NDST3: variants seen among roughly 807,000 people sequenced by gnomAD.
NDST3 encodes the protein N-deacetylase and N-sulfotransferase 3, also known as bifunctional heparan sulfate N-deacetylase/N-sulfotransferase 3.
Under a neutral mutation model 96.1 loss-of-function variants are expected in NDST3, and 58 were observed. The ratio of observed to expected loss-of-function variants is 0.60; its 90% confidence interval spans 0.49 to 0.75. The LOEUF (loss-of-function observed/expected upper bound fraction) is 0.75, where lower values mean the gene tolerates loss of function less well. NDST3 is among the 30% of genes least tolerant of loss of function. The pLI, the probability that NDST3 is intolerant of heterozygous loss-of-function variation, is 0.00. For missense variants in NDST3, 788 were observed against 1,034.2 expected (o/e 0.76, Z 3.27); for synonymous variants, 333 against 359.7 (o/e 0.93, Z 0.84).
In NDST3 at chr4:118,218,577, G is replaced by C. The variant is rs555695178; in HGVS notation, c.1540-5914G>C. On this transcript the variant is annotated intron_variant, in intron 6 of 13. Coordinates refer to ENST00000296499, the MANE Select transcript of NDST3 (RefSeq NM_004784.3). ...GAGAGCTATTTATGACAAACCCACA[G>C]CCAATATCATACTGAATGGGCAAAA... 2.0e-5 allele frequency among the ~76,000 whole-genome samples: 3 copies of C among 152,192 alleles called. No homozygotes were observed. In the South Asian group the frequency reaches 6.2e-4, roughly 32 times the overall value.
intron 1 of NDST3, among the ~76,000 whole-genome samples, chr4:118,046,833 G>A (rs890262579): frequency 1.3e-5 from 2 of 152,098 alleles, no homozygotes; most frequent in Admixed American, 6.5e-5. Context: ...GGAGTGGGAG[G>A]GGGCATGCCT....
rs376841165 is a variant in NDST3 at position 118,117,215 on chromosome 4, A to G, written c.1224+2255A>G. ...GATATGAAAAAAGACTGAATCCAGA[A>G]CCAGTCCCTCCCCAGCCATAACAAT... On this transcript the variant is annotated intron_variant, in intron 4 of 13. Coordinates refer to ENST00000296499, the MANE Select transcript of NDST3 (RefSeq NM_004784.3). 2.6e-5 allele frequency among the ~76,000 whole-genome samples: 4 copies of G among 152,306 alleles called. No individual in the cohort carries two copies. In the East Asian group the frequency reaches 7.7e-4, roughly 29 times the overall value.
chr4:118,148,689 G>GA (rs550351512), intron 6 of NDST3, among the ~76,000 whole-genome samples: 6 of 151,562 alleles, frequency 4.0e-5, no homozygotes, highest in East Asian at 3.9e-4. Context: ...CATTGAAATT[G>GA]AAAAAAAATA....
Position 118,111,186 on chromosome 4 carries a change from T to A in NDST3, c.1070-3620T>A, listed in dbSNP as rs1219920712. Among the ~76,000 whole-genome samples, 4 of 152,092 alleles carry A rather than the reference T, an allele frequency of 2.6e-5. No homozygotes were observed. The East Asian group carries it at 7.8e-4, about 29-fold the overall frequency. ...AATGGCAGAGAGGGCAGGAGAAGAG[T>A]AAAGGTTGAAAAACTACCTGTTGTG... is the stretch of plus-strand genomic sequence containing the variant. On this transcript the variant is annotated intron_variant, in intron 3 of 13. Transcript: ENST00000296499.
chr4:118,151,834 A>AT (rs1734418663), intron 6 of NDST3, among the ~76,000 whole-genome samples: 1 of 152,150 alleles, frequency 6.6e-6, no homozygotes. Context: ...AACTTAGTGT[A>AT]GGGGTCACCT....
At chr4:118,149,968 G>A (rs1287407395) in intron 6 of NDST3, among the ~76,000 whole-genome samples, 4 of 147,812 alleles carry the variant, frequency 2.7e-5, no homozygotes, top group Admixed American at 2.0e-4. Flanking sequence ...AGCATGAAGG[G>A]TTGTTGAATT....
At chr4:118,073,201 C>T (rs769368383) in intron 2 of NDST3, among the ~76,000 whole-genome samples, 4 of 151,900 alleles carry the variant, frequency 2.6e-5, no homozygotes, top group Non-Finnish European at 5.9e-5. Flanking sequence ...TTTACTGTAT[C>T]TCTGCCAGGT....
At chr4:118,172,040 A>T (rs954796814) in intron 6 of NDST3, among the ~76,000 whole-genome samples, 1 of 152,212 alleles carries the variant, frequency 6.6e-6, no homozygotes, top group Non-Finnish European at 1.5e-5. Flanking sequence ...CTCTTATGAG[A>T]AATTGGTTAT....
intron 2 of NDST3, among the ~76,000 whole-genome samples, chr4:118,100,217 G>C (rs1729654208): frequency 6.6e-6 from 1 of 152,004 alleles, no homozygotes; most frequent in South Asian, 2.1e-4. Context: ...AGAGGTGGAG[G>C]AAGGGCAAAT....
At chr4:118,195,786 T>C (rs1390368089) in intron 6 of NDST3, among the ~76,000 whole-genome samples, 1 of 152,230 alleles carries the variant, frequency 6.6e-6, no homozygotes, top group African/African-American at 2.4e-5. Context: ...TAAGATACCA[T>C]CTGCAAACAA....
At chr4:118,184,602 T>TATACAC (rs1736813896) in intron 6 of NDST3, among the ~76,000 whole-genome samples, 1 of 138,490 alleles carries the variant, frequency 7.2e-6, no homozygotes. Flanking sequence ...TCTCTCTCTC[T>TATACAC]ACACACACAC....
chr4:118,160,210 G>C (rs1205925994), intron 6 of NDST3, among the ~76,000 whole-genome samples: 1 of 152,144 alleles, frequency 6.6e-6, no homozygotes, highest in Non-Finnish European at 1.5e-5. Flanking sequence ...ACTATGAGGA[G>C]ATATCTAGCA....
At chr4:118,083,370 A>G (rs918262696) in intron 2 of NDST3, among the ~76,000 whole-genome samples, 1 of 152,212 alleles carries the variant, frequency 6.6e-6, no homozygotes, top group Non-Finnish European at 1.5e-5. Context: ...AATGAAATAA[A>G]TATAATACTT....
At chr4:118,247,814 G>T (rs1252420152) in intron 12 of NDST3, among the ~76,000 whole-genome samples, 1 of 152,114 alleles carries the variant, frequency 6.6e-6, no homozygotes, top group East Asian at 1.9e-4. Flanking sequence ...AATCATAAAC[G>T]TGTTTGCCAA....
chr4:118,213,758 A>G (rs1268331717), intron 6 of NDST3, among the ~76,000 whole-genome samples: 1 of 150,556 alleles, frequency 6.6e-6, no homozygotes, highest in East Asian at 1.9e-4. Flanking sequence ...AATCCTATAT[A>G]TAAGATTTTT....
intron 6 of NDST3, among the ~76,000 whole-genome samples, chr4:118,190,809 C>CA (rs1229372663): frequency 6.6e-6 from 1 of 152,164 alleles, no homozygotes; most frequent in Non-Finnish European, 1.5e-5. Context: ...GGCTCTGAAC[C>CA]AAAACATAAG....
intron 1 of NDST3, among the ~76,000 whole-genome samples, chr4:118,044,910 A>AT (rs1456934313): frequency 1.3e-5 from 2 of 152,046 alleles, no homozygotes; most frequent in African/African-American, 4.8e-5. Flanking sequence ...TTATCTATTC[A>AT]TGAGGGCAGA....
intron 6 of NDST3, among the ~76,000 whole-genome samples, chr4:118,161,700 T>A (rs986833540): frequency 6.6e-6 from 1 of 152,138 alleles, no homozygotes; most frequent in Admixed American, 6.5e-5. Flanking sequence ...AATCTCCTGG[T>A]GTGCCGTTTT....
chr4:118,217,312 A>T (rs762747268), intron 6 of NDST3, among the ~76,000 whole-genome samples: 1 of 152,138 alleles, frequency 6.6e-6, no homozygotes, highest in Non-Finnish European at 1.5e-5. Flanking sequence ...AACTGGGACC[A>T]TGTAGTGCCT....
Sources: allele counts gnomAD v4.1 joint callset (sites outside exome capture counted in the v4.1 genomes callset), GRCh38; gene constraint gnomAD v4.1.1; transcripts MANE v1.5; gene names NCBI Gene and HGNC (gene_info 2026-07-23, HGNC 2026-07-21).